Variants in AFAP1L2 observed in about 807,000 individuals in gnomAD.
AFAP1L2 encodes actin filament associated protein 1 like 2, also known as actin filament-associated protein 1-like 2.
In AFAP1L2, 46 loss-of-function variants were observed where a neutral mutation model predicts 99.3. That is an observed-to-expected ratio of 0.46 (90% CI 0.37 to 0.59). AFAP1L2 has a LOEUF of 0.59. Ranked by LOEUF, AFAP1L2 falls within the 20% of genes least tolerant of loss-of-function variation. The probability of loss-of-function intolerance (pLI) is 0.00; values close to 1 mark genes in which losing one functional copy is unlikely to be tolerated. For synonymous variants in AFAP1L2, 397 were observed against 419.1 expected, an observed-to-expected ratio of 0.95 and a Z score of 0.64; for missense variants, 959 against 1,034.9, an observed-to-expected ratio of 0.93 and a Z score of 1.01.
At chr10:114,320,451 G>A (rs1269665008) in intron 5 of AFAP1L2, among the ~76,000 whole-genome samples, 1 of 152,226 alleles carries the variant, frequency 6.6e-6, no homozygotes, top group Non-Finnish European at 1.5e-5. Flanking sequence ...GGCAGGACCT[G>A]AGGTCAGGCC....
chr10:114,363,573 A>C (rs2052756953), intron 1 of AFAP1L2, among the ~76,000 whole-genome samples: 1 of 152,242 alleles, frequency 6.6e-6, no homozygotes, highest in African/African-American at 2.4e-5. Flanking sequence ...AGATTTTATT[A>C]GCCAATTGTA....
chr10:114,344,309 C>T (rs925417215), intron 1 of AFAP1L2, among the ~76,000 whole-genome samples: 4 of 152,284 alleles, frequency 2.6e-5, no homozygotes, highest in South Asian at 2.1e-4. Flanking sequence ...TGGAGGACAA[C>T]GACAGTGAGC....
the AFAP1L2 span, among the ~76,000 whole-genome samples, chr10:114,282,351 T>C: frequency 1.3e-5 from 2 of 152,190 alleles, no homozygotes; most frequent in African/African-American, 4.8e-5. Context: ...CCCTACTCTA[T>C]GTGCAGAGAA....
chr10:114,390,576 C>T (rs1025642658), intron 1 of AFAP1L2, among the ~76,000 whole-genome samples: 9 of 152,094 alleles, frequency 5.9e-5, no homozygotes, highest in Non-Finnish European at 1.2e-4. Context: ...CAAAAGTTAG[C>T]CAGGCATGGT....
In AFAP1L2 at chr10:114,300,611, G is replaced by A. The variant is rs560492598; in HGVS notation, c.1622C>T (p.Thr541Ile). Residue 541 changes from threonine to isoleucine, a missense_variant, in exon 14 of 19, where the codon ACA (threonine) becomes ATA (isoleucine). This residue lies in a region of AFAP1L2 where 576 missense variants were observed against 562.1 expected (regional missense o/e 1.02). Transcript: ENST00000304129. ...RESDRVYLDL[T>I]PVKSFLHGPS... Reference sequence around the variant, plus strand: ...GCCATGCAGAAAGGACTTGACAGGTGTGAGGTCCAGGTACACTCGGTCAGA... The same window carrying A: ...GCCATGCAGAAAGGACTTGACAGGTATGAGGTCCAGGTACACTCGGTCAGA... 1 of 1,613,998 alleles carries A rather than the reference G, an allele frequency of 6.2e-7. No individual in the cohort carries two copies. Among genetic ancestry groups the A allele is most frequent in the African/African-American group, 1.3e-5 (1 of 74,922 alleles).
rs10627231 is a variant in AFAP1L2 at position 114,295,016 on chromosome 10, T to TAAAAAAAAAAAAAAA, written c.*1011_*1025dup. The TAAAAAAAAAAAAAAA allele has an allele frequency of 2.5e-6, 2 of 786,794 alleles. 1 individual carries two copies. The highest frequency in any genetic ancestry group is 4.3e-5 in the African/African-American group (2 of 46,548). 48.7% of individuals were successfully genotyped at this position (786,794 alleles called of 1,614,324 possible). A position where few individuals can be genotyped will look rare whatever the true frequency, so the allele number is the denominator to read the frequency against. ...ATAGATGAAATGTTTCAACCTGTGT[T>TAAAAAAAAAAAAAAA]AAAAAAAAAAAAAAAAAAATGCCAT... On this transcript the variant is annotated 3_prime_UTR_variant, in exon 19 of 19. Coordinates refer to ENST00000304129, the MANE Select transcript of AFAP1L2 (RefSeq NM_001001936.3).
At chr10:114,360,577 A>ACAGG (rs762185272) in intron 1 of AFAP1L2, among the ~76,000 whole-genome samples, 3 of 149,518 alleles carry the variant, frequency 2.0e-5, no homozygotes, top group African/African-American at 7.7e-5. Flanking sequence ...GGACAGACAG[A>ACAGG]TAGACAGACC....
intron 10 of AFAP1L2, among the ~76,000 whole-genome samples, chr10:114,305,468 G>GCGTCGGGGCTGCA: frequency 6.9e-6 from 1 of 144,326 alleles, no homozygotes. Context: ...GGTGCAGGAG[G>GCGTCGGGGCTGCA]GGACGCAGAT....
At chr10:114,348,961 T>C (rs1231019653) in intron 1 of AFAP1L2, among the ~76,000 whole-genome samples, 3 of 152,252 alleles carry the variant, frequency 2.0e-5, no homozygotes. Flanking sequence ...AAAGTGCTCC[T>C]ATATGATCCT....
chr10:114,401,263 G>A (rs1352175730), intron 1 of AFAP1L2, among the ~76,000 whole-genome samples: 2 of 152,088 alleles, frequency 1.3e-5, no homozygotes, highest in East Asian at 1.9e-4. Context: ...AGGAAGCTTC[G>A]GCATGGATGT....
the AFAP1L2 span, chr10:114,286,294 GCTCA>G: frequency 1.2e-6 from 2 of 1,610,160 alleles, no homozygotes; most frequent in Non-Finnish European, 1.7e-6. Context: ...TGGTGGTTTT[GCTCA>G]CTGAGTCACA....
downstream of AFAP1L2, chr10:114,290,010 A>T (rs2039406177): frequency 1.7e-5 from 6 of 347,514 alleles, no homozygotes; most frequent in Admixed American, 2.8e-4. Flanking sequence ...AAAAAAAAAA[A>T]GTCTGCCATG....
At chr10:114,390,987 C>A (rs905760044) in intron 1 of AFAP1L2, among the ~76,000 whole-genome samples, 4 of 152,150 alleles carry the variant, frequency 2.6e-5, no homozygotes, top group Admixed American at 6.5e-5. Context: ...CCTTGATTCA[C>A]TGTCTTTACT....
chr10:114,305,882 G>A (rs1299449841), intron 10 of AFAP1L2, among the ~76,000 whole-genome samples: 11 of 92,392 alleles, frequency 1.2e-4, no homozygotes, highest in African/African-American at 1.7e-4. Flanking sequence ...GGGGGCGCAG[G>A]GGCAGGAGGG....
chr10:114,401,503 G>A (rs549531176), intron 1 of AFAP1L2, among the ~76,000 whole-genome samples: 1 of 152,328 alleles, frequency 6.6e-6, no homozygotes, highest in African/African-American at 2.4e-5. Context: ...CCTGACATTT[G>A]CGAGAGCCTT....
chr10:114,300,355 T>C lies in AFAP1L2; in HGVS notation c.1796A>G (p.Glu599Gly), dbSNP rs1273323506. Residue 599 changes from glutamate to glycine, a missense_variant, in exon 15 of 19, where the codon GAG (glutamate) becomes GGG (glycine). Around this residue, in one of 2 missense-constraint regions of AFAP1L2, gnomAD observed 576 missense variants for 562.1 expected, o/e 1.02. Coordinates refer to ENST00000304129, the MANE Select transcript of AFAP1L2 (RefSeq NM_001001936.3). Reference protein sequence around the residue: ...CPENLGEQQLESLEPEDPSLR... With the variant: ...CPENLGEQQLGSLEPEDPSLR... ...GGAAGGATCCTCTGGCTCCAAACTC[T>C]CCAGCTGCTTTGGGGGAAAGCAGAC... The C allele has an allele frequency of 1.2e-6, 2 of 1,614,124 alleles. No individual in the cohort carries two copies. Among genetic ancestry groups the C allele is most frequent in the East Asian group, 2.2e-5 (1 of 44,876 alleles).
In AFAP1L2 at chr10:114,328,031, T is replaced by C. The variant is rs531614163; in HGVS notation, c.315+3772A>G. On this transcript the variant is annotated intron_variant, in intron 4 of 18. Coordinates refer to ENST00000304129, the MANE Select transcript of AFAP1L2 (RefSeq NM_001001936.3). The stretch of plus-strand genomic sequence containing the variant: ...GCATGGCCAGGCCTCAGAGGGACGA[T>C]GGGGTGGAGATGGCCATGCTAGCCA... 1.2e-4 allele frequency among the ~76,000 whole-genome samples: 18 copies of C among 152,270 alleles called. No homozygotes were observed. In the South Asian group the frequency reaches 3.3e-3, roughly 28 times the overall value.
chr10:114,352,259 G>T (rs946551909), intron 1 of AFAP1L2, among the ~76,000 whole-genome samples: 1 of 152,012 alleles, frequency 6.6e-6, no homozygotes, highest in Non-Finnish European at 1.5e-5. Flanking sequence ...ATCACCTGAG[G>T]TCAGGACTTT....
At chr10:114,327,159 ATATATATATATATATTTT>A (rs1297631022) in intron 4 of AFAP1L2, among the ~76,000 whole-genome samples, 4 of 80,516 alleles carry the variant, frequency 5.0e-5, no homozygotes, top group Non-Finnish European at 1.2e-4. Context: ...ATATATATAT[ATATATATATATATATTTT>A]TTTTTTAGGC....
Sources: gnomAD v4.1 joint callset for allele counts (sites outside exome capture counted in the v4.1 genomes callset) on GRCh38, gnomAD v4.1.1 for gene constraint, gnomAD v4.1.1 regional missense constraint, MANE v1.5 for transcripts, NCBI Gene and HGNC (gene_info 2026-07-23, HGNC 2026-07-21) for gene names.